The following PTPRJ variants were observed in gnomAD, a reference collection of about 807,000 sequenced individuals.
The protein encoded by PTPRJ is receptor-type tyrosine-protein phosphatase eta.
PTPRJ carries 129 observed loss-of-function variants against 141.3 expected under a neutral mutation model. The observed-to-expected ratio is 0.91, with a 90% CI of 0.79 to 1.06. PTPRJ has a LOEUF of 1.06. Ranked by LOEUF, PTPRJ falls within the 50% of genes least tolerant of loss-of-function variation. PTPRJ has a pLI of 0.00. For missense variants in PTPRJ, 1,601 were observed against 1,679.7 expected (o/e 0.95, Z 0.82); for synonymous variants, 610 against 640.5 (o/e 0.95, Z 0.72).
At chr11:48,042,726 T>C (rs1375756469) in intron 1 of PTPRJ, among the ~76,000 whole-genome samples, 1 of 151,658 alleles carries the variant, frequency 6.6e-6, no homozygotes, top group East Asian at 1.9e-4. Flanking sequence ...GGCCCTGGGT[T>C]CTGACTTTCT....
Position 48,046,969 on chromosome 11 carries a change from G to A in PTPRJ, c.97-63089G>A, listed in dbSNP as rs563057742. Among the ~76,000 whole-genome samples, 188 of 137,446 alleles carry A rather than the reference G, an allele frequency of 1.4e-3. 1 individual carries two copies. Among genetic ancestry groups the A allele is most frequent in the African/African-American group, 4.6e-3 (169 of 36,796 alleles). The allele number at this position is 137,446 out of a possible 152,430, so 90.2% of individuals were successfully genotyped here. On this transcript the variant is annotated intron_variant, in intron 1 of 24. Coordinates refer to ENST00000418331, the MANE Select transcript of PTPRJ (RefSeq NM_002843.4). ...CTTGTTCTGTCACCCAGGCTGGAGC[G>A]CAATGGTGTGATCTCAGCTCACTGC...
At chr11:47,994,178 TA>T (rs1854272309) in intron 1 of PTPRJ, among the ~76,000 whole-genome samples, 1 of 150,906 alleles carries the variant, frequency 6.6e-6, no homozygotes. Context: ...TTTTTTAATA[TA>T]AAAAAATTGA....
intron 1 of PTPRJ, among the ~76,000 whole-genome samples, chr11:48,049,119 C>T (rs1054892335): frequency 3.3e-5 from 5 of 152,108 alleles, no homozygotes; most frequent in African/African-American, 1.2e-4. Context: ...GCACTACTGA[C>T]GTTTGGAGTC....
In PTPRJ at chr11:48,127,804, C is replaced by G; in HGVS notation, c.1118C>G (p.Thr373Ser). ...GATGCTATTCAGGTTTTTGACGTCA[C>G]CGCTGTGAACATCAGTGCCACAAGC... ...RTNAIQVFDV[T>S]AVNISATSLT... The change falls in exon 7 of 25, where the codon ACC becomes AGC. Residue 373 changes from threonine to serine, a missense_variant. Transcript: ENST00000418331. 3 of 1,614,176 alleles carry G rather than the reference C, an allele frequency of 1.9e-6. No homozygotes were observed. Among genetic ancestry groups the G allele is most frequent in the Non-Finnish European group, 2.5e-6 (3 of 1,180,016 alleles).
At chr11:48,132,726 C>T (rs777770555) in intron 8 of PTPRJ, 6 of 950,676 alleles carry the variant, frequency 6.3e-6, no homozygotes, top group Non-Finnish European at 7.5e-6. Flanking sequence ...AGAAATGGGA[C>T]AGATTCCTTG....
At chr11:48,112,686 G>C in intron 2 of PTPRJ, 61 bp from the exon 3 acceptor site, 1 of 1,199,812 alleles carries the variant, frequency 8.3e-7, no homozygotes, top group Non-Finnish European at 1.2e-6. Context: ...TTGTGAGGTG[G>C]GGCATCCCTG....
intron 1 of PTPRJ, among the ~76,000 whole-genome samples, chr11:48,098,991 C>A (rs550361964): frequency 6.6e-6 from 1 of 152,236 alleles, no homozygotes; most frequent in Non-Finnish European, 1.5e-5. Flanking sequence ...ACATCTGCCT[C>A]CTGCCTGATG....
At chr11:48,153,520 A>G (rs1353196223) in intron 18 of PTPRJ, among the ~76,000 whole-genome samples, 1 of 141,974 alleles carries the variant, frequency 7.0e-6, no homozygotes, top group Non-Finnish European at 1.6e-5. Context: ...AAAAAAAAAG[A>G]AAACAGGAAG....
At chr11:47,989,817 A>G (rs7111419) in intron 1 of PTPRJ, among the ~76,000 whole-genome samples, 11,177 of 152,158 alleles carry the variant, frequency 0.073, 501 homozygotes, top group African/African-American at 0.13. Context: ...TGAAGAGAGC[A>G]TAGAATTTGG....
chr11:48,097,796 C>G (rs576672910), intron 1 of PTPRJ, among the ~76,000 whole-genome samples: 8 of 152,254 alleles, frequency 5.3e-5, no homozygotes, highest in South Asian at 2.1e-4. Context: ...CCTCAGCCCC[C>G]CAAAGTGCTA....
chr11:48,109,940 C>A, intron 1 of PTPRJ, 118 bp from the exon 2 acceptor site: 1 of 1,162,354 alleles, frequency 8.6e-7, no homozygotes, highest in Non-Finnish European at 1.3e-6. Flanking sequence ...CAGACCTTTG[C>A]TTAATGTGCT....
intron 1 of PTPRJ, among the ~76,000 whole-genome samples, chr11:48,064,716 G>A (rs973277750): frequency 6.6e-6 from 1 of 152,104 alleles, no homozygotes; most frequent in African/African-American, 2.4e-5. Context: ...CAATTCTCCT[G>A]CCTCAGCCTC....
intron 1 of PTPRJ, among the ~76,000 whole-genome samples, chr11:47,998,349 A>G (rs1854397426): frequency 6.6e-6 from 1 of 152,234 alleles, no homozygotes; most frequent in Non-Finnish European, 1.5e-5. Context: ...AAAGACAAAT[A>G]TTTAAGGTGA....
chr11:48,000,916 C>T (rs1000990924), intron 1 of PTPRJ, among the ~76,000 whole-genome samples: 11 of 152,028 alleles, frequency 7.2e-5, no homozygotes, highest in Admixed American at 7.2e-4. Context: ...AAAGAACCAC[C>T]CTGACATGGA....
intron 11 of PTPRJ, 144 bp from the exon 12 acceptor site, chr11:48,142,775 C>T: frequency 9.8e-7 from 1 of 1,019,716 alleles, no homozygotes; most frequent in Admixed American, 3.0e-5. Context: ...CTGCCTTTTG[C>T]TTCTGGATTT....
intron 1 of PTPRJ, among the ~76,000 whole-genome samples, chr11:48,049,325 A>T (rs1854490930): frequency 6.6e-6 from 1 of 151,960 alleles, no homozygotes; most frequent in South Asian, 2.1e-4. Context: ...AGTCATGGCA[A>T]CCATTTCAAA....
chr11:48,167,287 C>T lies in PTPRJ; in HGVS notation c.3939C>T (p.Asn1313=). The change falls in exon 25 of 25, where the codon AAC becomes AAT. Residue 1313 remains asparagine (N), a synonymous_variant. Transcript: ENST00000418331. ...CAAAAGTAGATCTTATCTACCAGAA[C>T]ACAACTGCAATGACAATCTATGAAA... ...KDSKVDLIYQ[N]TTAMTIYENL... 1 of 1,613,598 alleles carries T rather than the reference C, an allele frequency of 6.2e-7. No homozygotes were observed. The highest frequency in any genetic ancestry group is 8.5e-7 in the Non-Finnish European group (1 of 1,179,522).
intron 1 of PTPRJ, among the ~76,000 whole-genome samples, chr11:48,019,309 C>A (rs1257595643): frequency 1.3e-5 from 2 of 152,100 alleles, no homozygotes; most frequent in African/African-American, 2.4e-5. Flanking sequence ...CACCTGGCCC[C>A]ACTGCGACAG....
chr11:48,065,068 G>A (rs1397796693), intron 1 of PTPRJ, among the ~76,000 whole-genome samples: 1 of 139,886 alleles, frequency 7.1e-6, no homozygotes, highest in Non-Finnish European at 1.5e-5. Flanking sequence ...AGGCTGGAGT[G>A]CAATGGTGCG....
Sources: allele counts gnomAD v4.1 joint callset (sites outside exome capture counted in the v4.1 genomes callset), GRCh38; gene constraint gnomAD v4.1.1; transcripts MANE v1.5; gene names NCBI Gene and HGNC (gene_info 2026-07-23, HGNC 2026-07-21).